The following SPTBN4 variants were observed in gnomAD, a reference collection of about 807,000 sequenced individuals.
The protein encoded by SPTBN4 is spectrin beta, non-erythrocytic 4.
SPTBN4 carries 96 observed loss-of-function variants against 277.8 expected under a neutral mutation model. The observed-to-expected ratio is 0.35, with a 90% CI of 0.29 to 0.41. The LOEUF (loss-of-function observed/expected upper bound fraction) is 0.41, where lower values mean the gene tolerates loss of function less well. Among genes scored for constraint, SPTBN4 ranks in the 10% least tolerant of loss-of-function variants. SPTBN4 has a pLI of 1.00. For missense variants in SPTBN4, 3,006 were observed against 3,595.7 expected, an observed-to-expected ratio of 0.84 and a Z score of 4.19; for synonymous variants, 1,481 against 1,580.3, an observed-to-expected ratio of 0.94 and a Z score of 1.49.
chr19:40,519,988 T>A lies in SPTBN4; in HGVS notation c.3491T>A (p.Leu1164Gln). Residue 1164 changes from leucine to glutamine, a missense_variant, in exon 16 of 36, where the codon CTG (leucine) becomes CAG (glutamine). By Grantham distance (113) the Leu-to-Gln change is moderately radical (BLOSUM62 -2). Transcript: ENST00000598249. The surrounding 1 kb of genome is among the most constrained non-coding windows in gnomAD (Gnocchi z 5.7). ...CTGCTGGCCGCCGACGGCGCAGAGC[T>A]GGGCCCGGGCCTGGCACTAGACGAG... ...EALLAADGAE[L>Q]GPGLALDEWL... 2.6e-6 allele frequency: 4 copies of A among 1,558,068 alleles called. No individual in the cohort carries two copies. Among genetic ancestry groups the A allele is most frequent in the Non-Finnish European group, 2.6e-6 (3 of 1,157,624 alleles).
chr19:40,471,685 G>T (rs2079885452), intron 1 of SPTBN4, among the ~76,000 whole-genome samples: 1 of 152,096 alleles, frequency 6.6e-6, no homozygotes, highest in Non-Finnish European at 1.5e-5. Context: ...CCATCTTCCT[G>T]CCTCAGCCTC....
chr19:40,524,933 C>T (rs2080572908), intron 17 of SPTBN4, among the ~76,000 whole-genome samples: 1 of 152,218 alleles, frequency 6.6e-6, no homozygotes, highest in Non-Finnish European at 1.5e-5. Context: ...CACCTCCAGC[C>T]ATCATGGGAA....
chr19:40,553,449 A>G (rs891544246), intron 22 of SPTBN4, among the ~76,000 whole-genome samples: 1 of 152,136 alleles, frequency 6.6e-6, no homozygotes, highest in African/African-American at 2.4e-5. Flanking sequence ...TGATAGAGTG[A>G]CACCCTGTCT....
At chr19:40,494,827 T>A in intron 5 of SPTBN4, 70 bp from the exon 6 acceptor site, 2 of 1,384,030 alleles carry the variant, frequency 1.4e-6, no homozygotes, top group Non-Finnish European at 2.0e-6. Flanking sequence ...GGTCTCCCTC[T>A]GTCTTTTTCC....
chr19:40,494,810 A>G lies in SPTBN4; in HGVS notation c.588-87A>G, dbSNP rs114996560. ...CCCCTCTCTCTCATCTTCCTTCCCT[A>G]TCATTCGGTCTCCCTCTGTCTTTTT... On this transcript the variant is annotated intron_variant, in intron 5 of 35. Coordinates refer to ENST00000598249, the MANE Select transcript of SPTBN4 (RefSeq NM_020971.3). 3.6e-3 allele frequency: 4,188 copies of G among 1,155,810 alleles called. 102 individuals carry two copies. In the African/African-American group the frequency reaches 0.055, roughly 15 times the overall value. The allele number at this position is 1,155,810 out of a possible 1,614,324, so 71.6% of individuals were successfully genotyped here. A position where few individuals can be genotyped will look rare whatever the true frequency, so the allele number is the denominator to read the frequency against.
At chr19:40,498,421 T>A (rs189732195) in intron 7 of SPTBN4, among the ~76,000 whole-genome samples, 3,447 of 120,902 alleles carry the variant, frequency 0.029, 56 homozygotes, top group Non-Finnish European at 0.042. Context: ...TTATTTATTT[T>A]TTTAGATGGA....
Position 40,570,735 on chromosome 19 carries a change from G to C in SPTBN4, c.7319+7G>C. On this transcript the variant is annotated splice_region_variant and intron_variant, in intron 33 of 35. Coordinates refer to ENST00000598249, the MANE Select transcript of SPTBN4 (RefSeq NM_020971.3). ...ACCGCAAGTCGTCCAACCGGTGAGC[G>C]TGTGGGCGGGGCTTTGGAAGGCGGG... The C allele has an allele frequency of 6.2e-7, 1 of 1,604,768 alleles. No homozygotes were observed. The highest frequency in any genetic ancestry group is 8.5e-7 in the Non-Finnish European group (1 of 1,176,308).
chr19:40,478,669 CCGAG>C (rs1303196367), intron 2 of SPTBN4, among the ~76,000 whole-genome samples: 2 of 152,042 alleles, frequency 1.3e-5, no homozygotes, highest in Non-Finnish European at 2.9e-5. Flanking sequence ...CCTCTGCCTC[CCGAG>C]TAGTTGGTAT....
chr19:40,519,810 G>A lies in SPTBN4; in HGVS notation c.3313G>A (p.Val1105Met). 1 of 1,432,162 alleles carries A rather than the reference G, an allele frequency of 7.0e-7. No homozygotes were observed. The highest frequency in any genetic ancestry group is 9.0e-7 in the Non-Finnish European group (1 of 1,106,400). 88.7% of individuals were successfully genotyped at this position (1,432,162 alleles called of 1,614,324 possible). ...CCTCGACGCTTTCCTGGACTGGCTCGTGCGCGCCCAGGAGGCGGCGGGCGG... is the reference window on the plus strand; with the variant it reads ...CCTCGACGCTTTCCTGGACTGGCTCATGCGCGCCCAGGAGGCGGCGGGCGG... ...HDLDAFLDWL[V>M]RAQEAAGGSE... is the part of the protein sequence containing the mutation. Residue 1105 changes from valine (V) to methionine (M), a missense_variant, in exon 16 of 36, where the codon GTG (valine) becomes ATG (methionine). By Grantham distance (21) the Val-to-Met change is conservative. Coordinates refer to ENST00000598249, the MANE Select transcript of SPTBN4 (RefSeq NM_020971.3). This position sits in a 1 kb window ranked among gnomAD's most constrained non-coding sequence, Gnocchi z 5.7.
intron 26 of SPTBN4, among the ~76,000 whole-genome samples, chr19:40,557,728 G>A (rs772924386): frequency 1.3e-5 from 2 of 152,078 alleles, no homozygotes; most frequent in Admixed American, 6.6e-5. Context: ...GACCAGCCTG[G>A]TCAACGTGGT....
At chr19:40,494,835 TCCCC>T in intron 5 of SPTBN4, 58 bp from the exon 6 acceptor site, 1 of 1,467,434 alleles carries the variant, frequency 6.8e-7, no homozygotes, top group African/African-American at 1.4e-5. Context: ...TCTGTCTTTT[TCCCC>T]TTTCTTCCCT....
chr19:40,472,637 G>C lies in SPTBN4; in HGVS notation c.16G>C (p.Gly6Arg). 1 of 1,613,260 alleles carries C rather than the reference G, an allele frequency of 6.2e-7. No homozygotes were observed. The highest frequency in any genetic ancestry group is 8.5e-7 in the Non-Finnish European group (1 of 1,179,540). MAQVP[G>R]EVDNMEGLPA... ...ACCTTCCCCGATGGCGCAGGTACCA[G>C]GGGAAGTGGACAACATGGAGGGCCT... The change falls in exon 2 of 36, where the codon GGG (glycine) becomes CGG (arginine). Residue 6 changes from glycine to arginine, a missense_variant. This residue lies in a region of SPTBN4 where 78 missense variants were observed against 65.7 expected (regional missense o/e 1.19). Coordinates refer to ENST00000598249, the MANE Select transcript of SPTBN4 (RefSeq NM_020971.3).
In SPTBN4 at chr19:40,565,570, C is replaced by G. The variant is rs1223098070; in HGVS notation, c.6054+9C>G. 6.2e-7 allele frequency: 1 copy of G among 1,612,188 alleles called. No individual in the cohort carries two copies. The highest frequency in any genetic ancestry group is 8.5e-7 in the Non-Finnish European group (1 of 1,179,070). ...GTGCCATGGCTGATGAGGTGGGGAG[C>G]AGGGAGGGGGTCCCCCTCTGCCACC... On this transcript the variant is annotated intron_variant, in intron 28 of 35. Transcript: ENST00000598249.
chr19:40,556,137 A>G lies in SPTBN4; in HGVS notation c.5138A>G (p.Lys1713Arg), dbSNP rs1329173899. ...SQVDRLYVAL[K>R]ELGEERRVAL... is the part of the protein sequence containing the mutation. ...GTGGACCGCCTGTACGTGGCGCTCA[A>G]GGAGCTGGGTGAGGAGCGCCGGGTG... Residue 1713 changes from lysine to arginine, a missense_variant, in exon 25 of 36, where the codon AAG (lysine) becomes AGG (arginine). Transcript: ENST00000598249. 1.5e-5 allele frequency: 24 copies of G among 1,612,822 alleles called. No individual in the cohort carries two copies. The highest frequency in any genetic ancestry group is 2.0e-5 in the Non-Finnish European group (24 of 1,180,012).
At chr19:40,534,051 ATC>A in intron 19 of SPTBN4, 27 bp from the exon 20 acceptor site, 1 of 1,579,794 alleles carries the variant, frequency 6.3e-7, no homozygotes, top group Non-Finnish European at 8.6e-7. Context: ...TATCTTCTCC[ATC>A]TCCTGCCATC....
chr19:40,484,812 G>A (rs2080051781), intron 2 of SPTBN4, among the ~76,000 whole-genome samples: 1 of 151,784 alleles, frequency 6.6e-6, no homozygotes, highest in South Asian at 2.1e-4. Flanking sequence ...GGTACCTGTA[G>A]TCCCAGCTAC....
At chr19:40,472,874 G>T in intron 2 of SPTBN4, 84 bp downstream of exon 2, 10 of 1,358,132 alleles carry the variant, frequency 7.4e-6, no homozygotes, top group Non-Finnish European at 7.0e-6. Context: ...GGGAGGGTGG[G>T]AAAAGAGACC....
intron 4 of SPTBN4, among the ~76,000 whole-genome samples, chr19:40,491,396 G>A (rs2145830176): frequency 6.6e-6 from 1 of 152,148 alleles, no homozygotes; most frequent in South Asian, 2.1e-4. Flanking sequence ...TGTCTGAGAT[G>A]GGGAGAGGTT....
chr19:40,530,783 G>A, intron 18 of SPTBN4: 1 of 161,514 alleles, frequency 6.2e-6, no homozygotes, highest in Non-Finnish European at 1.3e-5. Flanking sequence ...CGCGGTGCTG[G>A]CGCGGGCGGG....
Sources: allele counts gnomAD v4.1 joint callset (sites outside exome capture counted in the v4.1 genomes callset), GRCh38; gene constraint gnomAD v4.1.1; regional missense constraint gnomAD v4.1.1; non-coding constraint Gnocchi (gnomAD v3.1); transcripts MANE v1.5; gene names NCBI Gene and HGNC (gene_info 2026-07-23, HGNC 2026-07-21).